The following ARHGAP26 variants were observed in gnomAD, a reference collection of about 807,000 sequenced individuals.
ARHGAP26 encodes the protein Rho GTPase activating protein 26.
In ARHGAP26, 38 loss-of-function variants were observed where a neutral mutation model predicts 104.8. The ratio of observed to expected loss-of-function variants is 0.36; its 90% CI spans 0.28 to 0.48. ARHGAP26 has a LOEUF of 0.48. Ranked by LOEUF, ARHGAP26 falls within the 20% of genes least tolerant of loss-of-function variation. The pLI, the probability that ARHGAP26 is intolerant of heterozygous loss-of-function variation, is 0.99. For synonymous variants in ARHGAP26, 341 were observed against 340.0 expected (o/e 1.00, Z -0.03); for missense variants, 704 against 947.9 (o/e 0.74, Z 3.38).
chr5:143,199,371 G>T (rs1807357264), intron 20 of ARHGAP26, among the ~76,000 whole-genome samples: 5 of 152,166 alleles, frequency 3.3e-5, no homozygotes, highest in Admixed American at 2.6e-4. Context: ...AACTGGTTTT[G>T]TGTCATTTGG....
chr5:142,839,900 G>T (rs1401802460), intron 1 of ARHGAP26, among the ~76,000 whole-genome samples: 1 of 149,534 alleles, frequency 6.7e-6, no homozygotes, highest in Admixed American at 6.6e-5. Flanking sequence ...GAGAGGAGGG[G>T]AGGGGAGGGG....
At chr5:143,199,408 A>G (rs545313579) in intron 20 of ARHGAP26, among the ~76,000 whole-genome samples, 1 of 152,294 alleles carries the variant, frequency 6.6e-6, no homozygotes, top group African/African-American at 2.4e-5. Flanking sequence ...CCAATTTACC[A>G]CTGTTCCTTT....
chr5:143,088,508 G>T (rs1347942129), intron 17 of ARHGAP26, among the ~76,000 whole-genome samples: 1 of 151,966 alleles, frequency 6.6e-6, no homozygotes, highest in Non-Finnish European at 1.5e-5. Flanking sequence ...TATTTTCAAG[G>T]TAAGGACCTC....
intron 20 of ARHGAP26, among the ~76,000 whole-genome samples, chr5:143,156,125 A>G (rs1189156300): frequency 6.6e-6 from 1 of 152,234 alleles, no homozygotes; most frequent in Admixed American, 6.5e-5. Context: ...GGATTAGATT[A>G]GAATTGTTTC....
At chr5:143,031,916 G>A (rs1368723056) in intron 12 of ARHGAP26, among the ~76,000 whole-genome samples, 1 of 152,064 alleles carries the variant, frequency 6.6e-6, no homozygotes, top group Non-Finnish European at 1.5e-5. Flanking sequence ...GCTAGTCTCT[G>A]GATGTAACCT....
Position 143,225,964 on chromosome 5 carries a change from C to T in ARHGAP26, c.*3518C>T, listed in dbSNP as rs1811624719. 4.6e-6 allele frequency: 1 copy of T among 217,868 alleles called. No individual in the cohort carries two copies. Among genetic ancestry groups the T allele is most frequent in the African/African-American group, 2.3e-5 (1 of 44,422 alleles). The allele number at this position is 217,868 out of a possible 1,614,324, so 13.5% of individuals were successfully genotyped here. ...TTACTCTCTCCCCTATCCATGCCCC[C>T]TACCTCTGACTCTCTCTGTGTGAAC... On this transcript the variant is annotated 3_prime_UTR_variant, in exon 23 of 23. Transcript: ENST00000645722.
At chr5:143,020,005 ACTGGCCAT>A (rs1780100668) in intron 12 of ARHGAP26, among the ~76,000 whole-genome samples, 1 of 152,328 alleles carries the variant, frequency 6.6e-6, no homozygotes, top group South Asian at 2.1e-4. Flanking sequence ...CTGGCTTAAC[ACTGGCCAT>A]CTGGCTTTTC....
intron 1 of ARHGAP26, among the ~76,000 whole-genome samples, chr5:142,810,198 G>A (rs1267083195): frequency 1.3e-5 from 2 of 152,206 alleles, no homozygotes; most frequent in Non-Finnish European, 2.9e-5. Flanking sequence ...AGATCACAGA[G>A]GGAGGGGTTC....
chr5:142,777,898 A>C (rs1379783200), intron 1 of ARHGAP26, among the ~76,000 whole-genome samples: 2 of 152,242 alleles, frequency 1.3e-5, no homozygotes, highest in Non-Finnish European at 2.9e-5. Context: ...ATGGGCAGCC[A>C]TGGAAGGCTG....
chr5:143,217,602 C>T (rs1810531161), intron 22 of ARHGAP26, among the ~76,000 whole-genome samples: 1 of 152,198 alleles, frequency 6.6e-6, no homozygotes, highest in Non-Finnish European at 1.5e-5. Flanking sequence ...CACTACACAG[C>T]AGGCCTGTCC....
intron 9 of ARHGAP26, among the ~76,000 whole-genome samples, chr5:142,911,381 A>G (rs1344438082): frequency 6.6e-6 from 1 of 152,074 alleles, no homozygotes; most frequent in African/African-American, 2.4e-5. Flanking sequence ...CCCTGACCCC[A>G]GGGCCTGTCC....
intron 12 of ARHGAP26, among the ~76,000 whole-genome samples, chr5:143,015,513 T>C (rs1598638300): frequency 6.6e-6 from 1 of 152,318 alleles, no homozygotes; most frequent in East Asian, 1.9e-4. Flanking sequence ...GTTGGTCTAA[T>C]TTGGGTCCAC....
At chr5:143,101,639 C>CTT (rs554294542) in intron 17 of ARHGAP26, among the ~76,000 whole-genome samples, 1 of 145,170 alleles carries the variant, frequency 6.9e-6, no homozygotes, top group East Asian at 2.0e-4. Flanking sequence ...CTTTTCCCTT[C>CTT]TTTTTTTTTT....
chr5:143,172,065 T>C (rs1802856549), intron 20 of ARHGAP26, among the ~76,000 whole-genome samples: 1 of 152,214 alleles, frequency 6.6e-6, no homozygotes, highest in Non-Finnish European at 1.5e-5. Context: ...ATCACATACA[T>C]GCTTGTCCCC....
intron 15 of ARHGAP26, among the ~76,000 whole-genome samples, chr5:143,055,619 A>G (rs751302331): frequency 2.6e-5 from 4 of 152,212 alleles, no homozygotes; most frequent in South Asian, 2.1e-4. Context: ...AAAATCTTTT[A>G]TAGTGTTTCT....
chr5:142,964,807 C>T (rs166155), intron 11 of ARHGAP26, among the ~76,000 whole-genome samples: 2 of 151,930 alleles, frequency 1.3e-5, no homozygotes, highest in Non-Finnish European at 1.5e-5. Context: ...GGGCTTCTCC[C>T]TGTGTGCGGC....
chr5:142,955,080 A>G (rs1423883875), intron 11 of ARHGAP26, among the ~76,000 whole-genome samples: 3 of 147,604 alleles, frequency 2.0e-5, no homozygotes, highest in Non-Finnish European at 4.5e-5. Context: ...GCAGTTCAAC[A>G]TAGTGAGACC....
intron 12 of ARHGAP26, among the ~76,000 whole-genome samples, chr5:143,014,944 A>G (rs924241637): frequency 6.6e-6 from 1 of 152,258 alleles, no homozygotes; most frequent in African/African-American, 2.4e-5. Flanking sequence ...GAAAATCAGT[A>G]GAACAGTGCC....
intron 21 of ARHGAP26, among the ~76,000 whole-genome samples, chr5:143,209,768 T>G (rs1372406069): frequency 1.3e-5 from 2 of 148,440 alleles, no homozygotes; most frequent in Admixed American, 1.3e-4. Context: ...GTGACAGAGC[T>G]AGACTCCATC....
Sources: allele counts gnomAD v4.1 joint callset (sites outside exome capture counted in the v4.1 genomes callset), GRCh38; gene constraint gnomAD v4.1.1; transcripts MANE v1.5; gene names NCBI Gene and HGNC (gene_info 2026-07-23, HGNC 2026-07-21).